Variants in DCDC1 observed in about 807,000 individuals in gnomAD.
DCDC1 encodes doublecortin domain containing 1.
A neutral mutation model predicts 178.3 loss-of-function variants in DCDC1; 200 were observed. The observed-to-expected ratio is 1.12, with a 90% confidence interval of 1.00 to 1.26. The LOEUF is 1.26. DCDC1 is among the 50% of genes most tolerant of loss of function. The pLI, the probability that DCDC1 is intolerant of heterozygous loss-of-function variation, is 0.00. For missense variants in DCDC1, 1,983 were observed against 1,749.2 expected, an observed-to-expected ratio of 1.13 and a Z score of -2.38; for synonymous variants, 690 against 604.8, an observed-to-expected ratio of 1.14 and a Z score of -2.07.
intron 1 of DCDC1, among the ~76,000 whole-genome samples, chr11:31,364,410 A>G (rs140846536): frequency 2.0e-5 from 3 of 152,336 alleles, no homozygotes; most frequent in East Asian, 1.9e-4. Flanking sequence ...TTGTATGACT[A>G]TTAAAGATAA....
At chr11:31,073,711 G>C (rs1956704225) in intron 18 of DCDC1, among the ~76,000 whole-genome samples, 1 of 152,176 alleles carries the variant, frequency 6.6e-6, no homozygotes, top group Non-Finnish European at 1.5e-5. Context: ...GTGAAATCTT[G>C]AGCAAAGTAA....
chr11:31,231,868 A>G (rs1565472965), intron 9 of DCDC1, among the ~76,000 whole-genome samples: 1 of 152,206 alleles, frequency 6.6e-6, no homozygotes, highest in Non-Finnish European at 1.5e-5. Context: ...CAAAATAAGG[A>G]AAACACTTCT....
intron 9 of DCDC1, among the ~76,000 whole-genome samples, chr11:31,204,575 C>CA (rs1971664158): frequency 6.6e-6 from 1 of 152,158 alleles, no homozygotes; most frequent in Admixed American, 6.5e-5. Flanking sequence ...GTAATCCCAG[C>CA]ACTTTGGGAG....
intron 11 of DCDC1, among the ~76,000 whole-genome samples, chr11:31,121,238 G>A (rs984328024): frequency 1.3e-5 from 2 of 151,798 alleles, no homozygotes; most frequent in Admixed American, 6.6e-5. Flanking sequence ...TGACTATATA[G>A]AATATACGAG....
chr11:31,196,281 A>G (rs1970684917), intron 9 of DCDC1, among the ~76,000 whole-genome samples: 2 of 151,956 alleles, frequency 1.3e-5, no homozygotes, highest in African/African-American at 4.8e-5. Flanking sequence ...CCCTACACCA[A>G]CCAATCCTCC....
At chr11:31,166,583 A>G (rs932353501) in intron 9 of DCDC1, among the ~76,000 whole-genome samples, 17 of 152,212 alleles carry the variant, frequency 1.1e-4, no homozygotes. Context: ...TGCTGATCTA[A>G]GTAACTAGAA....
chr11:31,047,026 C>T (rs1482320500), intron 20 of DCDC1, among the ~76,000 whole-genome samples: 2 of 152,138 alleles, frequency 1.3e-5, no homozygotes, highest in South Asian at 2.1e-4. Context: ...CTTCCAAACA[C>T]ACAGCCATCC....
chr11:30,935,647 AG>A (rs1325604059), intron 21 of DCDC1, among the ~76,000 whole-genome samples: 3 of 151,874 alleles, frequency 2.0e-5, no homozygotes, highest in African/African-American at 7.3e-5. Context: ...TTTGCCTCCC[AG>A]GTTCAAGCGA....
chr11:31,157,368 A>ATATATAT lies in DCDC1; in HGVS notation c.1222-19585_1222-19584insATATATA, dbSNP rs71451195. On this transcript the variant is annotated intron_variant, in intron 9 of 38. Transcript: ENST00000684477. Reference sequence around the variant, plus strand: ...AAGACCCTTTCTCAAAAAAAAAAAAAAAAAATATATATATATATACATATA... The same window carrying ATATATAT: ...AAGACCCTTTCTCAAAAAAAAAAAAATATATATAAAAATATATATATATATACATATA... Among the ~76,000 whole-genome samples, 204 of 109,198 alleles carry ATATATAT rather than the reference A, an allele frequency of 1.9e-3. 1 individual carries two copies. The highest frequency in any genetic ancestry group is 0.017 in the East Asian group (46 of 2,708). 71.6% of individuals were successfully genotyped at this position (109,198 alleles called of 152,430 possible). A position where few individuals can be genotyped will look rare whatever the true frequency, so the allele number is the denominator to read the frequency against.
chr11:30,870,909 G>C (rs777789710), intron 38 of DCDC1, among the ~76,000 whole-genome samples: 3 of 152,186 alleles, frequency 2.0e-5, no homozygotes, highest in Non-Finnish European at 4.4e-5. Flanking sequence ...GTAGTGAAGG[G>C]AGAAAAGAAC....
At chr11:31,226,165 T>A (rs1430063583) in intron 9 of DCDC1, among the ~76,000 whole-genome samples, 1 of 152,118 alleles carries the variant, frequency 6.6e-6, no homozygotes. Flanking sequence ...AGCTGCTGTA[T>A]CTGCAGCTTT....
chr11:31,314,828 A>C (rs937558435), intron 3 of DCDC1, among the ~76,000 whole-genome samples: 8 of 152,186 alleles, frequency 5.3e-5, no homozygotes, highest in African/African-American at 1.9e-4. Context: ...AATGAAACTT[A>C]ATCATGATGG....
chr11:31,187,802 C>T (rs746692402), intron 9 of DCDC1, among the ~76,000 whole-genome samples: 1 of 152,160 alleles, frequency 6.6e-6, no homozygotes, highest in Non-Finnish European at 1.5e-5. Context: ...AGTCTAATCA[C>T]TAATCATTCA....
At chr11:31,067,024 A>G (rs1956286518) in intron 18 of DCDC1, among the ~76,000 whole-genome samples, 2 of 152,176 alleles carry the variant, frequency 1.3e-5, no homozygotes, top group South Asian at 4.1e-4. Context: ...AAGTGCTCTA[A>G]AAAGTAAAGT....
intron 21 of DCDC1, among the ~76,000 whole-genome samples, chr11:30,949,389 G>A (rs1043307430): frequency 7.9e-5 from 12 of 152,100 alleles, no homozygotes; most frequent in Non-Finnish European, 1.2e-4. Flanking sequence ...AAATAGGAAT[G>A]CTTTTACACT....
At chr11:31,224,110 T>A (rs1974622267) in intron 9 of DCDC1, among the ~76,000 whole-genome samples, 1 of 152,094 alleles carries the variant, frequency 6.6e-6, no homozygotes, top group African/African-American at 2.4e-5. Context: ...GCCTTTAGCC[T>A]TCCTTCATGA....
At chr11:31,360,250 A>T (rs1951638599) in intron 1 of DCDC1, among the ~76,000 whole-genome samples, 1 of 152,164 alleles carries the variant, frequency 6.6e-6, no homozygotes, top group Non-Finnish European at 1.5e-5. Context: ...TCCTATTAAT[A>T]CATACCGAGG....
intron 2 of DCDC1, among the ~76,000 whole-genome samples, chr11:31,331,253 G>C (rs1242228461): frequency 1.3e-5 from 2 of 152,210 alleles, no homozygotes; most frequent in Non-Finnish European, 2.9e-5. Flanking sequence ...CTTTGCTGAA[G>C]TTGCTTATCA....
At chr11:31,014,743 G>A (rs967753690) in intron 20 of DCDC1, among the ~76,000 whole-genome samples, 3 of 152,112 alleles carry the variant, frequency 2.0e-5, no homozygotes, top group Non-Finnish European at 4.4e-5. Context: ...CTATCAGTTA[G>A]ATGCACAACC....
Sources: allele counts gnomAD v4.1 joint callset (sites outside exome capture counted in the v4.1 genomes callset), GRCh38; gene constraint gnomAD v4.1.1; transcripts MANE v1.5; gene names NCBI Gene and HGNC (gene_info 2026-07-23, HGNC 2026-07-21).